The following FAM118B variants were observed in gnomAD, a reference collection of about 807,000 sequenced individuals.
FAM118B encodes protein FAM118B.
FAM118B carries 24 observed loss-of-function variants against 38.5 expected under a neutral mutation model. The ratio of observed to expected loss-of-function variants is 0.62; its 90% CI spans 0.45 to 0.88. The LOEUF is 0.88. Ranked by LOEUF, FAM118B falls within the 40% of genes least tolerant of loss-of-function variation. The pLI is 0.00. For missense variants in FAM118B, 334 were observed against 420.0 expected (o/e 0.80, Z 1.79); for synonymous variants, 138 against 156.3 (o/e 0.88, Z 0.87).
chr11:126,248,721 A>G (rs1421964523), intron 4 of FAM118B, among the ~76,000 whole-genome samples: 2 of 152,194 alleles, frequency 1.3e-5, no homozygotes, highest in Non-Finnish European at 2.9e-5. Flanking sequence ...TACTCCTGCA[A>G]TAATGACATT....
chr11:126,212,099 G>A (rs1003389295), intron 1 of FAM118B, among the ~76,000 whole-genome samples: 5 of 152,186 alleles, frequency 3.3e-5, no homozygotes, highest in Non-Finnish European at 7.3e-5. Flanking sequence ...AGTCCCCTGC[G>A]GGACGCGTCG....
intron 1 of FAM118B, among the ~76,000 whole-genome samples, chr11:126,227,058 C>CTTTTTTT (rs575065140): frequency 3.1e-5 from 3 of 97,164 alleles, no homozygotes; most frequent in Non-Finnish European, 4.0e-5. Flanking sequence ...ATACAAGCTT[C>CTTTTTTT]TTTTTTTTTT....
chr11:126,247,433 T>A (rs756382215), intron 4 of FAM118B, among the ~76,000 whole-genome samples: 6 of 152,218 alleles, frequency 3.9e-5, no homozygotes, highest in African/African-American at 7.2e-5. Flanking sequence ...GACCTGGATT[T>A]TTTTCCCCCC....
rs919957922 is a variant in FAM118B, at chr11:126,245,063, CCCAT to C, written c.339+4021_339+4024del. ...AGGCACCATGGCATGCACCTGTAGT[CCCAT>C]CTACTTGGGAGGCTGAGGCAGGAGG... On this transcript the variant is annotated intron_variant, in intron 4 of 8. Transcript: ENST00000533050. 3.3e-5 allele frequency: 5 copies of C among 152,312 alleles called. No homozygotes were observed. The East Asian group carries it at 7.7e-4, about 24-fold the overall frequency. The allele number at this position is 152,312 out of a possible 1,614,324, so 9.4% of individuals were successfully genotyped here. A position where few individuals can be genotyped will look rare whatever the true frequency, so the allele number is the denominator to read the frequency against.
chr11:126,250,092 A>ATT lies in FAM118B; in HGVS notation c.340-398_340-397dup, dbSNP rs71048776. Among the ~76,000 whole-genome samples the ATT allele has an allele frequency of 2.3e-5, 3 of 131,844 alleles. No individual in the cohort carries two copies. Among genetic ancestry groups the ATT allele is most frequent in the Non-Finnish European group, 3.3e-5 (2 of 61,076 alleles). 86.5% of individuals were successfully genotyped at this position (131,844 alleles called of 152,430 possible). Reference sequence around the variant, plus strand: ...AGATAGATAATATTTTATCCCCGGGATTTTTTTTTTTTTTTTTGAGATGGA... The same window carrying ATT: ...AGATAGATAATATTTTATCCCCGGGATTTTTTTTTTTTTTTTTTTGAGATGGA... On this transcript the variant is annotated intron_variant, in intron 4 of 8. Transcript: ENST00000533050. This position sits in a 1 kb window ranked among gnomAD's most constrained non-coding sequence, Gnocchi z 5.1.
At chr11:126,239,074 G>A (rs181369957) in intron 3 of FAM118B, among the ~76,000 whole-genome samples, 13 of 150,418 alleles carry the variant, frequency 8.6e-5, no homozygotes, top group Admixed American at 2.7e-4. Flanking sequence ...CTGGGCTCAC[G>A]TGATCCTCCC....
At chr11:126,242,565 T>A (rs1950372748) in intron 4 of FAM118B, among the ~76,000 whole-genome samples, 1 of 152,188 alleles carries the variant, frequency 6.6e-6, no homozygotes, top group Admixed American at 6.5e-5. Flanking sequence ...AATTTTAAAA[T>A]AACGATGTAG....
chr11:126,260,337 C>T (rs685409), intron 7 of FAM118B: 124,578 of 151,996 alleles, frequency 0.82, 51,313 homozygotes, highest in East Asian at 1. Flanking sequence ...CTGGCCTTGG[C>T]ACATTTCTGA....
chr11:126,260,840 A>G (rs1950677102), intron 7 of FAM118B: 1 of 152,364 alleles, frequency 6.6e-6, no homozygotes, highest in South Asian at 2.1e-4. Context: ...GTTATCCAGT[A>G]GAATTTCCTG....
At position 126,243,061 on chromosome 11, in the gene FAM118B, G is replaced by A. The variant is rs1041035664; in HGVS notation, c.339+2017G>A. Among the ~76,000 whole-genome samples the A allele has an allele frequency of 2.0e-5, 3 of 152,140 alleles. 1 individual carries two copies. The highest frequency in any genetic ancestry group is 7.2e-5 in the African/African-American group (3 of 41,424). On this transcript the variant is annotated intron_variant, in intron 4 of 8. Coordinates refer to ENST00000533050, the MANE Select transcript of FAM118B (RefSeq NM_024556.4). ...AAGTGCTCGTCCCATACAACAACAT[G>A]GATGAACCTTGAAAACATTAAGTAA...
intron 1 of FAM118B, among the ~76,000 whole-genome samples, chr11:126,218,778 G>A (rs1950017233): frequency 1.3e-5 from 2 of 152,196 alleles, no homozygotes. Flanking sequence ...TTGTACAAAT[G>A]TATATGTTTG....
Position 126,250,815 on chromosome 11 carries a change from G to A in FAM118B, c.567+82G>A, listed in dbSNP as rs1158220541. The A allele has an allele frequency of 1.7e-5, 19 of 1,113,370 alleles. No individual in the cohort carries two copies. The highest frequency in any genetic ancestry group is 4.8e-5 in the African/African-American group (3 of 62,820). 69.0% of individuals were successfully genotyped at this position (1,113,370 alleles called of 1,614,324 possible). A position where few individuals can be genotyped will look rare whatever the true frequency, so the allele number is the denominator to read the frequency against. On this transcript the variant is annotated intron_variant, in intron 5 of 8. Transcript: ENST00000533050. This position sits in a 1 kb window ranked among gnomAD's most constrained non-coding sequence, Gnocchi z 5.1. ...AAAGCTCTTTTCTAGTTGGTATATT[G>A]GTATTTATGTAGAGCTAGAAAGGAA...
intron 4 of FAM118B, among the ~76,000 whole-genome samples, chr11:126,242,765 C>T (rs1001321032): frequency 3.9e-5 from 6 of 152,118 alleles, no homozygotes; most frequent in Non-Finnish European, 8.8e-5. Flanking sequence ...AAATTGGAAC[C>T]TTTGTGGGAA....
intron 3 of FAM118B, among the ~76,000 whole-genome samples, chr11:126,239,345 A>G (rs1950324912): frequency 6.6e-6 from 1 of 152,170 alleles, no homozygotes; most frequent in Admixed American, 6.5e-5. Flanking sequence ...TATAAAATGA[A>G]AAGTAAAAAG....
intron 1 of FAM118B, among the ~76,000 whole-genome samples, chr11:126,216,901 C>G (rs925433072): frequency 6.6e-6 from 1 of 152,244 alleles, no homozygotes; most frequent in Non-Finnish European, 1.5e-5. Context: ...CATTTATTTT[C>G]CAGCTTAGGC....
At chr11:126,224,767 A>G (rs1950117203) in intron 1 of FAM118B, among the ~76,000 whole-genome samples, 1 of 152,222 alleles carries the variant, frequency 6.6e-6, no homozygotes, top group African/African-American at 2.4e-5. Context: ...AACAGTGAAG[A>G]GGCCAGCGTA....
intron 8 of FAM118B, 77 bp downstream of exon 8, chr11:126,261,561 A>G (rs1950699665): frequency 7.8e-7 from 1 of 1,277,558 alleles, no homozygotes; most frequent in East Asian, 2.4e-5. Flanking sequence ...GAATATAGAG[A>G]ATGTTACTTT....
rs146691138 is a variant in FAM118B at position 126,219,948 on chromosome 11, G to A, written c.-77+8118G>A. On this transcript the variant is annotated intron_variant, in intron 1 of 8. Coordinates refer to ENST00000533050, the MANE Select transcript of FAM118B (RefSeq NM_024556.4). ...GAAGGAAGAATTTTTTTTAAAGGGG[G>A]GGCTTATATGTATGGAGATTTATGG... Among the ~76,000 whole-genome samples, 21 of 151,856 alleles carry A rather than the reference G, an allele frequency of 1.4e-4. No homozygotes were observed. In the East Asian group the frequency reaches 3.9e-3, roughly 28 times the overall value.
rs1345078424 is a variant in FAM118B at position 126,216,756 on chromosome 11, A to G, written c.-77+4926A>G. ...TGTCAGAAGCATTTCCTACCACCAT[A>G]CTCATTTCCAAAGCAATCAATCACC... is the stretch of plus-strand genomic sequence containing the variant. On this transcript the variant is annotated intron_variant, in intron 1 of 8. Coordinates refer to ENST00000533050, the MANE Select transcript of FAM118B (RefSeq NM_024556.4). Among the ~76,000 whole-genome samples, 4 of 152,340 alleles carry G rather than the reference A, an allele frequency of 2.6e-5. No homozygotes were observed. In the East Asian group the frequency reaches 7.7e-4, roughly 29 times the overall value.
Sources: gnomAD v4.1 joint callset for allele counts (sites outside exome capture counted in the v4.1 genomes callset) on GRCh38, gnomAD v4.1.1 for gene constraint, Gnocchi (gnomAD v3.1) non-coding constraint, MANE v1.5 for transcripts, NCBI Gene and HGNC (gene_info 2026-07-23, HGNC 2026-07-21) for gene names.